Variants in DLC1 observed in about 807,000 individuals in gnomAD.
DLC1 encodes DLC1 Rho GTPase activating protein.
DLC1 carries 54 observed loss-of-function variants against 140.3 expected under a neutral mutation model. The observed-to-expected ratio is 0.38, with a 90% confidence interval of 0.31 to 0.48. The LOEUF is 0.48. Among genes scored for constraint, DLC1 ranks in the 20% least tolerant of loss-of-function variants. DLC1 has a pLI of 0.96. For missense variants in DLC1, 2,536 were observed against 1,907.0 expected, an observed-to-expected ratio of 1.33 and a Z score of -6.14; for synonymous variants, 986 against 728.1, an observed-to-expected ratio of 1.35 and a Z score of -5.70.
At chr8:13,273,150 A>C (rs536791729) in intron 5 of DLC1, among the ~76,000 whole-genome samples, 86 of 152,354 alleles carry the variant, frequency 5.6e-4, no homozygotes, top group Non-Finnish European at 4.7e-4. Flanking sequence ...GCAGGCTACA[A>C]GGCCCTCTAT....
At chr8:13,565,635 A>G (rs1804401200) in intron 1 of DLC1, among the ~76,000 whole-genome samples, 2 of 152,274 alleles carry the variant, frequency 1.3e-5, no homozygotes, top group South Asian at 2.1e-4. Context: ...CAGAATGAAC[A>G]TTTGGGGAAT....
At chr8:13,547,519 C>A (rs964195781) in intron 1 of DLC1, among the ~76,000 whole-genome samples, 1 of 152,046 alleles carries the variant, frequency 6.6e-6, no homozygotes, top group Non-Finnish European at 1.5e-5. Flanking sequence ...TAATGATTCT[C>A]TACATTTCTT....
At chr8:13,547,834 TTC>T (rs1803704615) in intron 1 of DLC1, among the ~76,000 whole-genome samples, 1 of 152,074 alleles carries the variant, frequency 6.6e-6, no homozygotes, top group Admixed American at 6.6e-5. Flanking sequence ...TTGAAATACT[TTC>T]TGTTTTCTAA....
At chr8:13,587,742 A>C (rs1204841418) in intron 1 of DLC1, among the ~76,000 whole-genome samples, 1 of 151,532 alleles carries the variant, frequency 6.6e-6, no homozygotes, top group Non-Finnish European at 1.5e-5. Flanking sequence ...TTATATGTTG[A>C]TATTTTAATA....
At chr8:13,258,563 C>T (rs1188295) in intron 5 of DLC1, among the ~76,000 whole-genome samples, 109,789 of 152,104 alleles carry the variant, frequency 0.72, 40,022 homozygotes, top group East Asian at 0.92. Flanking sequence ...TAAGTTCTTA[C>T]TGGTCATGTG....
chr8:13,392,425 G>A (rs1039609360), intron 4 of DLC1, among the ~76,000 whole-genome samples: 3 of 152,122 alleles, frequency 2.0e-5, no homozygotes, highest in Non-Finnish European at 2.9e-5. Flanking sequence ...TAAGCCATGC[G>A]TATCTGTCAT....
At chr8:13,601,614 A>G (rs1182486237) in intron 1 of DLC1, among the ~76,000 whole-genome samples, 1 of 151,272 alleles carries the variant, frequency 6.6e-6, no homozygotes, top group Non-Finnish European at 1.5e-5. Context: ...CTAACTTGTC[A>G]AAGAGTCCAG....
At chr8:13,565,540 G>T (rs1804397216) in intron 1 of DLC1, among the ~76,000 whole-genome samples, 1 of 152,172 alleles carries the variant, frequency 6.6e-6, no homozygotes, top group African/African-American at 2.4e-5. Flanking sequence ...TTGAATAAAT[G>T]AAGTTGGAGT....
At chr8:13,097,179 A>G (rs1818571860) in intron 10 of DLC1, among the ~76,000 whole-genome samples, 2 of 152,126 alleles carry the variant, frequency 1.3e-5, no homozygotes, top group South Asian at 4.1e-4. Context: ...ACTGTTAGAC[A>G]GTCTTTGCTA....
At chr8:13,539,750 A>ATGTGTGTGTG (rs71207162) in intron 1 of DLC1, among the ~76,000 whole-genome samples, 2,269 of 147,252 alleles carry the variant, frequency 0.015, 30 homozygotes, top group East Asian at 0.028. Context: ...ATGTGTGTGT[A>ATGTGTGTGTG]TGTGTGTGTG....
chr8:13,433,622 A>G (rs1838983512), intron 2 of DLC1, among the ~76,000 whole-genome samples: 1 of 152,186 alleles, frequency 6.6e-6, no homozygotes, highest in African/African-American at 2.4e-5. Context: ...AAACTCACAG[A>G]CTGAAATGAG....
intron 2 of DLC1, among the ~76,000 whole-genome samples, chr8:13,409,710 T>C (rs1212775705): frequency 6.6e-6 from 1 of 152,130 alleles, no homozygotes; most frequent in Non-Finnish European, 1.5e-5. Context: ...AATAGAGGGG[T>C]CTCTCAAAGG....
At chr8:13,375,174 C>T (rs1438053604) in intron 4 of DLC1, among the ~76,000 whole-genome samples, 1 of 151,946 alleles carries the variant, frequency 6.6e-6, no homozygotes, top group Non-Finnish European at 1.5e-5. Context: ...ACTACAGGCG[C>T]CCGCCACTAT....
intron 2 of DLC1, among the ~76,000 whole-genome samples, chr8:13,414,337 T>C (rs1292935019): frequency 6.6e-6 from 1 of 152,188 alleles, no homozygotes; most frequent in Non-Finnish European, 1.5e-5. Flanking sequence ...TTTATGTGTA[T>C]AGACAATTTA....
At chr8:13,183,777 C>CT (rs1563144836) in intron 5 of DLC1, among the ~76,000 whole-genome samples, 1 of 152,014 alleles carries the variant, frequency 6.6e-6, no homozygotes, top group African/African-American at 2.4e-5. Context: ...CTAAAATTCT[C>CT]TTTTTTTGTT....
chr8:13,575,549 G>C (rs1328037879), intron 1 of DLC1, among the ~76,000 whole-genome samples: 1 of 152,040 alleles, frequency 6.6e-6, no homozygotes, highest in Non-Finnish European at 1.5e-5. Context: ...CACAGATATG[G>C]GGCAGAAGAG....
At chr8:13,470,503 G>A (rs895778421) in intron 2 of DLC1, among the ~76,000 whole-genome samples, 11 of 152,238 alleles carry the variant, frequency 7.2e-5, no homozygotes, top group Middle Eastern at 3.4e-3. Flanking sequence ...TGGTCAACAG[G>A]TATATTAAGA....
At chr8:13,296,035 C>T (rs969122598) in intron 5 of DLC1, among the ~76,000 whole-genome samples, 7 of 148,034 alleles carry the variant, frequency 4.7e-5, no homozygotes, top group Non-Finnish European at 1.0e-4. Flanking sequence ...TCACTGCACC[C>T]TCCATCACCT....
chr8:13,153,752 A>G lies in DLC1; in HGVS notation c.1349-38095T>C, dbSNP rs1824020907. Among the ~76,000 whole-genome samples, 4 of 151,850 alleles carry G rather than the reference A, an allele frequency of 2.6e-5. No homozygotes were observed. In the South Asian group the frequency reaches 6.2e-4, roughly 24 times the overall value. ...ACACAAGGCACTGATTGGTGTGTTT[A>G]CAAACCTAGAGGTAGACACAGAATG... On this transcript the variant is annotated intron_variant, in intron 5 of 17. Transcript: ENST00000276297.
Sources: allele counts gnomAD v4.1 joint callset (sites outside exome capture counted in the v4.1 genomes callset), GRCh38; gene constraint gnomAD v4.1.1; transcripts MANE v1.5; gene names NCBI Gene and HGNC (gene_info 2026-07-23, HGNC 2026-07-21).